The following PRKCE variants were observed in gnomAD, a reference collection of about 807,000 sequenced individuals.
PRKCE encodes the protein protein kinase C epsilon.
PRKCE carries 16 observed loss-of-function variants against 85.4 expected under a neutral mutation model. The observed-to-expected ratio is 0.19, with a 90% CI of 0.13 to 0.28. The LOEUF is 0.28. PRKCE is among the 10% of genes least tolerant of loss of function. PRKCE has a pLI of 1.00. For synonymous variants in PRKCE, 388 were observed against 371.5 expected (o/e 1.04, Z -0.51); for missense variants, 573 against 975.2 (o/e 0.59, Z 5.49).
chr2:45,766,188 T>TCCA lies in PRKCE; in HGVS notation c.349-76811_349-76809dup, dbSNP rs566231263. Among the ~76,000 whole-genome samples the TCCA allele has an allele frequency of 1.5e-3, 232 of 152,268 alleles. 2 individuals carry two copies. The highest frequency in any genetic ancestry group is 3.3e-3 in the Admixed American group (50 of 15,292). Reference sequence around the variant, plus strand: ...CATGGAAGCGTGCAGGTCCGTATACTCCATAGTCAATTACGTTTCCTGCTC... The same window carrying TCCA: ...CATGGAAGCGTGCAGGTCCGTATACTCCACCATAGTCAATTACGTTTCCTGCTC... On this transcript the variant is annotated intron_variant, in intron 1 of 14. Coordinates refer to ENST00000306156, the MANE Select transcript of PRKCE (RefSeq NM_005400.3).
At chr2:46,137,883 C>G (rs1427094188) in intron 11 of PRKCE, among the ~76,000 whole-genome samples, 1 of 152,162 alleles carries the variant, frequency 6.6e-6, no homozygotes, top group Non-Finnish European at 1.5e-5. Context: ...TACCAGTTCT[C>G]CCTCAGTCTT....
intron 1 of PRKCE, among the ~76,000 whole-genome samples, chr2:45,782,377 T>G (rs1686256915): frequency 6.6e-6 from 1 of 152,162 alleles, no homozygotes; most frequent in African/African-American, 2.4e-5. Context: ...CCCACTTGAT[T>G]AGCGAGGTGG....
intron 10 of PRKCE, among the ~76,000 whole-genome samples, chr2:46,072,617 C>T (rs1203211526): frequency 6.6e-6 from 1 of 152,218 alleles, no homozygotes; most frequent in East Asian, 1.9e-4. Flanking sequence ...AAACCCAACA[C>T]AGCATAGTAT....
At position 45,704,758 on chromosome 2, in the gene PRKCE, G is replaced by A. The variant is rs60334539; in HGVS notation, c.348+52310G>A. On this transcript the variant is annotated intron_variant, in intron 1 of 14. Coordinates refer to ENST00000306156, the MANE Select transcript of PRKCE (RefSeq NM_005400.3). ...CTCTAGTATTTCAAGGTGACAGGCAGCAGTTTTCACCTAAGTGTTATGCCT... is the reference window on the plus strand; with the variant it reads ...CTCTAGTATTTCAAGGTGACAGGCAACAGTTTTCACCTAAGTGTTATGCCT... Among the ~76,000 whole-genome samples the A allele has an allele frequency of 6.7e-3, 1,019 of 152,288 alleles. 13 individuals are homozygous for A. The highest frequency in any genetic ancestry group is 0.022 in the African/African-American group (926 of 41,562).
In PRKCE at chr2:45,652,654, A is replaced by T. The variant is rs570404511; in HGVS notation, c.348+206A>T. On this transcript the variant is annotated intron_variant, in intron 1 of 14. Coordinates refer to ENST00000306156, the MANE Select transcript of PRKCE (RefSeq NM_005400.3). The surrounding 1 kb of genome is among the most constrained non-coding windows in gnomAD (Gnocchi z 7.7). ...GAGGAAGATGAGACTTGGAAAGAGG[A>T]TGTGGCCCTCTGCTCCCTCTGTGCC... Among the ~76,000 whole-genome samples, 16 of 152,284 alleles carry T rather than the reference A, an allele frequency of 1.1e-4. No individual in the cohort carries two copies. Among genetic ancestry groups the T allele is most frequent in the African/African-American group, 3.9e-4 (16 of 41,544 alleles).
intron 2 of PRKCE, among the ~76,000 whole-genome samples, chr2:45,944,798 G>A (rs577529861): frequency 6.6e-6 from 1 of 151,284 alleles, no homozygotes; most frequent in Non-Finnish European, 1.5e-5. Flanking sequence ...CACTGTGCTG[G>A]GCAATCCTCA....
chr2:46,015,442 C>G (rs1706042830), intron 10 of PRKCE, among the ~76,000 whole-genome samples: 1 of 152,036 alleles, frequency 6.6e-6, no homozygotes, highest in Non-Finnish European at 1.5e-5. Context: ...CCTGGGAAGC[C>G]AAATTCTGGA....
intron 1 of PRKCE, among the ~76,000 whole-genome samples, chr2:45,777,995 G>A (rs1159163026): frequency 6.6e-6 from 1 of 152,102 alleles, no homozygotes; most frequent in Non-Finnish European, 1.5e-5. Context: ...ATCACAGGAT[G>A]AGCAGGGCTG....
At chr2:46,128,842 G>A (rs1674126552) in intron 11 of PRKCE, among the ~76,000 whole-genome samples, 1 of 152,214 alleles carries the variant, frequency 6.6e-6, no homozygotes, top group Non-Finnish European at 1.5e-5. Flanking sequence ...GACCACCAGA[G>A]AGTGACCAGG....
chr2:45,681,915 C>T (rs949486764), intron 1 of PRKCE, among the ~76,000 whole-genome samples: 5 of 152,164 alleles, frequency 3.3e-5, no homozygotes, highest in African/African-American at 1.2e-4. Context: ...TATTAGTAAC[C>T]TTTGCATGCA....
At chr2:45,763,644 G>C (rs903957476) in intron 1 of PRKCE, among the ~76,000 whole-genome samples, 8 of 151,966 alleles carry the variant, frequency 5.3e-5, no homozygotes, top group Non-Finnish European at 7.4e-5. Context: ...GGTATAACCC[G>C]CCATGCTGCT....
chr2:46,035,649 T>C (rs1707811443), intron 10 of PRKCE, among the ~76,000 whole-genome samples: 8 of 152,264 alleles, frequency 5.3e-5, no homozygotes. Flanking sequence ...ATATGCCATA[T>C]ATGTGCGTGT....
chr2:46,055,920 C>T (rs1666539410), intron 10 of PRKCE, among the ~76,000 whole-genome samples: 1 of 152,174 alleles, frequency 6.6e-6, no homozygotes, highest in African/African-American at 2.4e-5. Context: ...GCCTTGGCCT[C>T]CCAAAGTGCT....
chr2:45,968,819 T>C (rs1334440089), intron 2 of PRKCE, among the ~76,000 whole-genome samples: 1 of 151,964 alleles, frequency 6.6e-6, no homozygotes, highest in African/African-American at 2.4e-5. Context: ...AAAACTTCAA[T>C]GACCAGACTG....
chr2:45,984,078 C>T (rs1229282556), intron 5 of PRKCE, among the ~76,000 whole-genome samples: 3 of 151,880 alleles, frequency 2.0e-5, no homozygotes, highest in African/African-American at 7.3e-5. Flanking sequence ...GCTGGGATTA[C>T]AGGCTCGCAC....
chr2:45,939,572 T>TA (rs1699731275), intron 2 of PRKCE, among the ~76,000 whole-genome samples: 1 of 152,022 alleles, frequency 6.6e-6, no homozygotes, highest in African/African-American at 2.4e-5. Context: ...TTTTTTTTTT[T>TA]TGAGAAGGCG....
intron 1 of PRKCE, among the ~76,000 whole-genome samples, chr2:45,672,529 T>C (rs924605920): frequency 2.0e-5 from 3 of 152,212 alleles, no homozygotes; most frequent in African/African-American, 7.2e-5. Context: ...GCTAATGCCA[T>C]GTGTCTAAAA....
chr2:45,652,425 G>C lies in PRKCE; in HGVS notation c.325G>C (p.Gly109Arg). ...TIQFEELLQN[G>R]SRHFEDWIDL... The stretch of plus-strand genomic sequence containing the variant: ...CCAGTTTGAGGAGCTGCTGCAGAAC[G>C]GGAGCCGCCACTTCGAGGACTGGGT... Residue 109 changes from glycine (G) to arginine (R), a missense_variant, in exon 1 of 15, where the codon GGG (glycine) becomes CGG (arginine). Around this residue, in one of 11 missense-constraint regions of PRKCE, gnomAD observed 100 missense variants for 177.1 expected, o/e 0.56. Coordinates refer to ENST00000306156, the MANE Select transcript of PRKCE (RefSeq NM_005400.3). The surrounding 1 kb of genome is among the most constrained non-coding windows in gnomAD (Gnocchi z 7.7). 2 of 1,606,496 alleles carry C rather than the reference G, an allele frequency of 1.2e-6. No individual in the cohort carries two copies. Among genetic ancestry groups the C allele is most frequent in the Non-Finnish European group, 1.7e-6 (2 of 1,178,504 alleles).
intron 2 of PRKCE, among the ~76,000 whole-genome samples, chr2:45,956,884 C>T (rs557599077): frequency 6.6e-6 from 1 of 151,170 alleles, no homozygotes; most frequent in Admixed American, 6.6e-5. Flanking sequence ...TTTTAATTTG[C>T]CTTTTTCTAA....
Sources: gnomAD v4.1 joint callset for allele counts (sites outside exome capture counted in the v4.1 genomes callset) on GRCh38, gnomAD v4.1.1 for gene constraint, gnomAD v4.1.1 regional missense constraint, Gnocchi (gnomAD v3.1) non-coding constraint, MANE v1.5 for transcripts, NCBI Gene and HGNC (gene_info 2026-07-23, HGNC 2026-07-21) for gene names.